The following HMCN1 variants were observed in gnomAD, a reference collection of about 807,000 sequenced individuals.
HMCN1 encodes the protein hemicentin 1, also known as hemicentin-1.
A neutral mutation model predicts 625.9 loss-of-function variants in HMCN1; 321 were observed. The ratio of observed to expected loss-of-function variants is 0.51; its 90% CI spans 0.47 to 0.56. The LOEUF (loss-of-function observed/expected upper bound fraction) is 0.56. HMCN1 is among the 20% of genes least tolerant of loss of function. HMCN1 has a pLI of 0.00. For synonymous variants in HMCN1, 2,425 were observed against 2,417.6 expected, an observed-to-expected ratio of 1.00 and a Z score of -0.09; for missense variants, 6,588 against 6,887.3, an observed-to-expected ratio of 0.96 and a Z score of 1.54.
At chr1:186,069,133 T>C (rs1658325698) in intron 50 of HMCN1, among the ~76,000 whole-genome samples, 1 of 152,118 alleles carries the variant, frequency 6.6e-6, no homozygotes, top group Non-Finnish European at 1.5e-5. Flanking sequence ...ATATTGTGTG[T>C]ATGTATGTTG....
At chr1:186,108,682 A>G (rs2102457983) in intron 71 of HMCN1, 85 bp downstream of exon 71, 1 of 1,435,292 alleles carries the variant, frequency 7.0e-7, no homozygotes, top group Non-Finnish European at 9.7e-7. Context: ...CTGGGTACAC[A>G]AAACCAACTA....
chr1:185,857,152 C>T (rs1662517763), intron 2 of HMCN1, among the ~76,000 whole-genome samples: 1 of 152,140 alleles, frequency 6.6e-6, no homozygotes, highest in Admixed American at 6.5e-5. Context: ...TCTGAAGTTA[C>T]AGTTTTTTAA....
rs964529557 is a variant in HMCN1 at position 185,989,397 on chromosome 1, C to T, written c.3049-91C>T. 2.7e-6 allele frequency: 4 copies of T among 1,459,118 alleles called. No homozygotes were observed. The African/African-American group carries it at 5.6e-5, about 20-fold the overall frequency. The allele number at this position is 1,459,118 out of a possible 1,614,324, so 90.4% of individuals were successfully genotyped here. A position where few individuals can be genotyped will look rare whatever the true frequency, so the allele number is the denominator to read the frequency against. On this transcript the variant is annotated intron_variant, in intron 20 of 106. Coordinates refer to ENST00000271588, the MANE Select transcript of HMCN1 (RefSeq NM_031935.3). ...TCCCCTCTTGGAGATGTTTTTTTCTCTCTATTCCTCTTCCAGACATTGTCA... is the reference window on the plus strand; with the variant it reads ...TCCCCTCTTGGAGATGTTTTTTTCTTTCTATTCCTCTTCCAGACATTGTCA...
intron 6 of HMCN1, among the ~76,000 whole-genome samples, chr1:185,912,171 A>G (rs1375893913): frequency 1.3e-5 from 2 of 152,172 alleles, no homozygotes; most frequent in African/African-American, 4.8e-5. Flanking sequence ...TAACGGCTGC[A>G]CTGCCTGGGG....
chr1:185,793,649 T>A (rs997746388), intron 1 of HMCN1, among the ~76,000 whole-genome samples: 1 of 152,254 alleles, frequency 6.6e-6, no homozygotes, highest in Non-Finnish European at 1.5e-5. Context: ...TTGTTTTAAC[T>A]AAGATTTAAA....
At chr1:185,934,732 T>C (rs906366225) in intron 11 of HMCN1, among the ~76,000 whole-genome samples, 2 of 152,306 alleles carry the variant, frequency 1.3e-5, no homozygotes, top group Middle Eastern at 3.4e-3. Context: ...AGCTATTTGA[T>C]TGTGGTATTA....
At chr1:186,040,005 A>G (rs1006393723) in intron 39 of HMCN1, 126 bp downstream of exon 39, 1 of 904,270 alleles carries the variant, frequency 1.1e-6, no homozygotes, top group Non-Finnish European at 1.8e-6. Flanking sequence ...TTAAATACAC[A>G]TATGCAACCA....
At chr1:186,059,018 A>G (rs958043597) in intron 46 of HMCN1, among the ~76,000 whole-genome samples, 1 of 152,014 alleles carries the variant, frequency 6.6e-6, no homozygotes, top group African/African-American at 2.4e-5. Context: ...TAATAATAGT[A>G]TTTGCCTCAG....
chr1:186,119,637 C>A, intron 78 of HMCN1, 108 bp from the exon 79 acceptor site: 1 of 1,135,822 alleles, frequency 8.8e-7, no homozygotes, highest in Non-Finnish European at 1.3e-6. Flanking sequence ...AATCAAATCA[C>A]TAATATTTTA....
rs181768537 is a variant in HMCN1 at position 186,048,604 on chromosome 1, T to C, written c.6481-139T>C. Reference sequence around the variant, plus strand: ...AAACTGGGTGATGGGTATATAGCCATTTATATTGCTATTTTGTCTATTTTT... The same window carrying C: ...AAACTGGGTGATGGGTATATAGCCACTTATATTGCTATTTTGTCTATTTTT... On this transcript the variant is annotated intron_variant, in intron 41 of 106. Coordinates refer to ENST00000271588, the MANE Select transcript of HMCN1 (RefSeq NM_031935.3). 8.4e-5 allele frequency: 56 copies of C among 664,352 alleles called. No individual in the cohort carries two copies. In the East Asian group the frequency reaches 1.1e-3, roughly 13 times the overall value. The allele number at this position is 664,352 out of a possible 1,614,324, so 41.2% of individuals were successfully genotyped here. A position where few individuals can be genotyped will look rare whatever the true frequency, so the allele number is the denominator to read the frequency against.
chr1:185,923,557 C>G lies in HMCN1; in HGVS notation c.1189C>G (p.Pro397Ala), dbSNP rs201214008. 7.5e-6 allele frequency: 12 copies of G among 1,610,734 alleles called. No homozygotes were observed. Among genetic ancestry groups the G allele is most frequent in the African/African-American group, 1.3e-5 (1 of 74,944 alleles). The change falls in exon 8 of 107, where the codon CCA becomes GCA. Residue 397 changes from proline to alanine, a missense_variant. Pro to Ala is a conservative substitution (Grantham distance 27). Around this residue, in one of 3 missense-constraint regions of HMCN1, gnomAD observed 4,628 missense variants for 4,853.1 expected, o/e 0.95. Transcript: ENST00000271588. ...ATGGAATATTTCTGACTTTGTACCACCAAATGAAGCTTTCTTTCTCAAAGT... is the reference window on the plus strand; with the variant it reads ...ATGGAATATTTCTGACTTTGTACCAGCAAATGAAGCTTTCTTTCTCAAAGT... ...GIWNISDFVP[P>A]NEAFFLKVTG...
Position 186,151,176 on chromosome 1 carries a change from G to A in HMCN1, c.14609-24G>A, listed in dbSNP as rs368440959. Reference sequence around the variant, plus strand: ...TTGATGAAATTGCATCCTTATCCAGGAATGTTTTTTTTTCCCCCAATAGGT... The same window carrying A: ...TTGATGAAATTGCATCCTTATCCAGAAATGTTTTTTTTTCCCCCAATAGGT... On this transcript the variant is annotated intron_variant, in intron 93 of 106. Transcript: ENST00000271588. The A allele has an allele frequency of 2.9e-5, 46 of 1,612,596 alleles. No homozygotes were observed. In the African/African-American group the frequency reaches 5.5e-4, roughly 19 times the overall value.
At chr1:185,819,226 A>C (rs545954126) in intron 1 of HMCN1, among the ~76,000 whole-genome samples, 1 of 150,752 alleles carries the variant, frequency 6.6e-6, no homozygotes, top group East Asian at 1.9e-4. Context: ...AACAAGAGCG[A>C]ATCTCCATCT....
intron 1 of HMCN1, among the ~76,000 whole-genome samples, chr1:185,761,405 T>C (rs968962921): frequency 2.6e-5 from 4 of 152,166 alleles, no homozygotes; most frequent in Non-Finnish European, 5.9e-5. Flanking sequence ...GCCCATCCCA[T>C]TTTCCTTGTC....
intron 75 of HMCN1, among the ~76,000 whole-genome samples, chr1:186,115,817 TG>T (rs1661106104): frequency 6.6e-6 from 1 of 151,496 alleles, no homozygotes; most frequent in African/African-American, 2.4e-5. Context: ...ATTTAGATAT[TG>T]GCAGAATGTG....
At position 186,137,366 on chromosome 1, in the gene HMCN1, A is replaced by G. The variant is rs547780369; in HGVS notation, c.13583-132A>G. 2.3e-5 allele frequency: 25 copies of G among 1,072,948 alleles called. 1 individual carries two copies. The South Asian group carries it at 3.4e-4, about 15-fold the overall frequency. 66.5% of individuals were successfully genotyped at this position (1,072,948 alleles called of 1,614,324 possible). A position where few individuals can be genotyped will look rare whatever the true frequency, so the allele number is the denominator to read the frequency against. On this transcript the variant is annotated intron_variant, in intron 87 of 106. Transcript: ENST00000271588. ...TCTCTTGGATTTTAATTTTCCTTAA[A>G]GGAGAGCTTCCATACGCTATTTCTC...
intron 97 of HMCN1, among the ~76,000 whole-genome samples, chr1:186,162,340 T>C (rs1454253809): frequency 6.6e-6 from 1 of 152,206 alleles, no homozygotes; most frequent in South Asian, 2.1e-4. Context: ...TTCAAAGTTT[T>C]TAACTTCTTT....
intron 97 of HMCN1, among the ~76,000 whole-genome samples, chr1:186,162,512 T>A (rs976499549): frequency 6.6e-6 from 1 of 152,208 alleles, no homozygotes; most frequent in Non-Finnish European, 1.5e-5. Flanking sequence ...TTTCCAGTTT[T>A]TCTGCTCTGT....
chr1:186,045,464 GT>G (rs1656497694), intron 40 of HMCN1, among the ~76,000 whole-genome samples: 1 of 152,080 alleles, frequency 6.6e-6, no homozygotes, highest in Admixed American at 6.6e-5. Flanking sequence ...CGTTCTAAAA[GT>G]TTTTTAAATA....
Sources: gnomAD v4.1 joint callset for allele counts (sites outside exome capture counted in the v4.1 genomes callset) on GRCh38, gnomAD v4.1.1 for gene constraint, gnomAD v4.1.1 regional missense constraint, MANE v1.5 for transcripts, NCBI Gene and HGNC (gene_info 2026-07-23, HGNC 2026-07-21) for gene names.